The following OSBPL6 variants were observed in gnomAD, a reference collection of about 807,000 sequenced individuals.
OSBPL6 encodes oxysterol-binding protein-related protein 6.
OSBPL6 carries 49 observed loss-of-function variants against 125.8 expected under a neutral mutation model. That is an observed-to-expected ratio of 0.39 (90% CI 0.31 to 0.49). OSBPL6 has a LOEUF of 0.49. Ranked by LOEUF, OSBPL6 falls within the 20% of genes least tolerant of loss-of-function variation. The pLI is 0.88. For missense variants in OSBPL6, 986 were observed against 1,135.4 expected (o/e 0.87, Z 1.89); for synonymous variants, 394 against 391.8 (o/e 1.01, Z -0.07).
At chr2:178,259,051 C>G (rs779762469) in intron 1 of OSBPL6, among the ~76,000 whole-genome samples, 5 of 152,150 alleles carry the variant, frequency 3.3e-5, no homozygotes, top group Non-Finnish European at 7.3e-5. Flanking sequence ...TTTTCCTGAT[C>G]AGGGATCCAT....
At chr2:178,349,433 TGATG>T in intron 12 of OSBPL6, 44 bp downstream of exon 12, 1 of 1,572,552 alleles carries the variant, frequency 6.4e-7, no homozygotes, top group Non-Finnish European at 8.7e-7. Context: ...CTCTCTTCTT[TGATG>T]AAAGATTATC....
At position 178,276,318 on chromosome 2, in the gene OSBPL6, C is replaced by T. The variant is rs112122845; in HGVS notation, c.-350-8609C>T. ...GTTGGAATATCCCCTGAAATGATTTCGTGAGTCACATTTTTAAATATTTCT... is the reference window on the plus strand; with the variant it reads ...GTTGGAATATCCCCTGAAATGATTTTGTGAGTCACATTTTTAAATATTTCT... On this transcript the variant is annotated intron_variant, in intron 1 of 24. Coordinates refer to ENST00000190611, the MANE Select transcript of OSBPL6 (RefSeq NM_032523.4). Among the ~76,000 whole-genome samples, 9 of 150,316 alleles carry T rather than the reference C, an allele frequency of 6.0e-5. 1 individual carries two copies. The highest frequency in any genetic ancestry group is 1.3e-4 in the Non-Finnish European group (9 of 67,832).
chr2:178,317,903 G>A (rs781236148), intron 3 of OSBPL6, among the ~76,000 whole-genome samples: 4 of 152,118 alleles, frequency 2.6e-5, no homozygotes, highest in South Asian at 2.1e-4. Context: ...GTTCCAGAGC[G>A]TTAGCTCTTG....
At chr2:178,296,878 A>G (rs1685803139) in intron 2 of OSBPL6, among the ~76,000 whole-genome samples, 1 of 152,202 alleles carries the variant, frequency 6.6e-6, no homozygotes, top group Admixed American at 6.5e-5. Context: ...AATGCCCAAC[A>G]CGAGTAGAAT....
chr2:178,305,712 C>T (rs1329884077), intron 2 of OSBPL6, among the ~76,000 whole-genome samples: 1 of 152,118 alleles, frequency 6.6e-6, no homozygotes, highest in African/African-American at 2.4e-5. Context: ...ATTACGTTTC[C>T]GGAGGAGAAT....
intron 2 of OSBPL6, among the ~76,000 whole-genome samples, chr2:178,292,833 A>G (rs1187029040): frequency 1.3e-5 from 2 of 152,176 alleles, no homozygotes; most frequent in African/African-American, 4.8e-5. Context: ...TGAAAAGAGT[A>G]TTGTTCTAGA....
intron 1 of OSBPL6, among the ~76,000 whole-genome samples, chr2:178,270,341 C>T (rs2092349702): frequency 6.6e-6 from 1 of 152,164 alleles, no homozygotes; most frequent in South Asian, 2.1e-4. Flanking sequence ...GGCAAAGCTG[C>T]TTTAATAATA....
chr2:178,210,317 C>T (rs887184885), intron 1 of OSBPL6, among the ~76,000 whole-genome samples: 2 of 147,560 alleles, frequency 1.4e-5, no homozygotes, highest in Non-Finnish European at 3.0e-5. Flanking sequence ...CCACACCTGA[C>T]CTATAAGTAA....
chr2:178,231,146 G>C (rs760255554), intron 1 of OSBPL6, among the ~76,000 whole-genome samples: 1 of 152,154 alleles, frequency 6.6e-6, no homozygotes, highest in Non-Finnish European at 1.5e-5. Context: ...GCTGGCCTGT[G>C]GTGGACCTCA....
chr2:178,248,462 G>A (rs754772436), intron 1 of OSBPL6, among the ~76,000 whole-genome samples: 8 of 151,872 alleles, frequency 5.3e-5, no homozygotes, highest in Non-Finnish European at 1.0e-4. Flanking sequence ...GATGCATATT[G>A]TTGAAATCAA....
At chr2:178,207,553 C>T (rs1270882513) in intron 1 of OSBPL6, among the ~76,000 whole-genome samples, 3 of 152,068 alleles carry the variant, frequency 2.0e-5, no homozygotes, top group Non-Finnish European at 4.4e-5. Context: ...AGGGTGGGGT[C>T]GGTGTGTATT....
At chr2:178,329,798 G>T (rs1408623122) in intron 5 of OSBPL6, among the ~76,000 whole-genome samples, 1 of 152,142 alleles carries the variant, frequency 6.6e-6, no homozygotes, top group Non-Finnish European at 1.5e-5. Flanking sequence ...TGGCACATCT[G>T]CACGTGGATT....
intron 1 of OSBPL6, among the ~76,000 whole-genome samples, chr2:178,221,146 C>G (rs2090322996): frequency 6.6e-6 from 1 of 152,140 alleles, no homozygotes; most frequent in African/African-American, 2.4e-5. Flanking sequence ...CTATTCATAT[C>G]AAATGTAAAT....
At chr2:178,215,639 G>T (rs577173184) in intron 1 of OSBPL6, among the ~76,000 whole-genome samples, 1 of 152,088 alleles carries the variant, frequency 6.6e-6, no homozygotes, top group South Asian at 2.1e-4. Flanking sequence ...GGGGAGTGTC[G>T]TGTTCCTGTG....
rs147060678 is a variant in OSBPL6 at position 178,362,429 on chromosome 2, T to G, written c.1287+614T>G. On this transcript the variant is annotated intron_variant, in intron 13 of 24. Coordinates refer to ENST00000190611, the MANE Select transcript of OSBPL6 (RefSeq NM_032523.4). ...TCAAAGTTGAAATTTCTGATAAAAATCCTTTAGAGCTGTGCTTATGCTTTT... is the reference window on the plus strand; with the variant it reads ...TCAAAGTTGAAATTTCTGATAAAAAGCCTTTAGAGCTGTGCTTATGCTTTT... Among the ~76,000 whole-genome samples the G allele has an allele frequency of 4.6e-3, 705 of 152,344 alleles. 2 individuals are homozygous for G. Among genetic ancestry groups the G allele is most frequent in the African/African-American group, 0.017 (688 of 41,574 alleles).
intron 1 of OSBPL6, among the ~76,000 whole-genome samples, chr2:178,204,385 C>T (rs759119162): frequency 6.6e-6 from 1 of 152,174 alleles, no homozygotes; most frequent in Non-Finnish European, 1.5e-5. Context: ...GAACATCTCC[C>T]TTTTCCTTTG....
intron 18 of OSBPL6, 112 bp downstream of exon 18, chr2:178,384,288 AT>A: frequency 7.3e-7 from 1 of 1,365,334 alleles, no homozygotes; most frequent in South Asian, 1.3e-5. Context: ...CCAGTTGTGA[AT>A]TCGAAGTATC....
Position 178,373,931 on chromosome 2 carries a change from A to G in OSBPL6, c.1437A>G (p.Gln479=), listed in dbSNP as rs1693637683. The change falls in exon 15 of 25, where the codon CAA becomes CAG. Residue 479 remains glutamine (Q), a synonymous_variant. Transcript: ENST00000190611. The part of the protein sequence containing the change: ...QIHVSLPLSQ[Q]VANESRLSMS... ...ATGTCAGTCTCCCCTTATCACAGCA[A>G]GTAGCCAATGAGAGCCGCCTCTCCA... 6.2e-7 allele frequency: 1 copy of G among 1,614,128 alleles called. No homozygotes were observed. Among genetic ancestry groups the G allele is most frequent in the Non-Finnish European group, 8.5e-7 (1 of 1,179,990 alleles).
intron 2 of OSBPL6, among the ~76,000 whole-genome samples, chr2:178,289,563 G>A (rs530671015): frequency 5.9e-5 from 9 of 152,226 alleles, no homozygotes; most frequent in Non-Finnish European, 1.0e-4. Context: ...CTAACAATAT[G>A]AATGATACTT....
Sources: allele counts gnomAD v4.1 joint callset (sites outside exome capture counted in the v4.1 genomes callset), GRCh38; gene constraint gnomAD v4.1.1; transcripts MANE v1.5; gene names NCBI Gene and HGNC (gene_info 2026-07-23, HGNC 2026-07-21).